Variants in PKHD1 observed in about 807,000 individuals in gnomAD.
PKHD1 encodes fibrocystin.
In PKHD1, 291 loss-of-function variants were observed where a neutral mutation model predicts 412.0. The ratio of observed to expected loss-of-function variants is 0.71; its 90% confidence interval spans 0.64 to 0.78. The LOEUF is 0.78. Among genes scored for constraint, PKHD1 ranks in the 30% least tolerant of loss-of-function variants. The probability of loss-of-function intolerance (pLI) is 0.00; values close to 1 mark genes in which losing one functional copy is unlikely to be tolerated. For synonymous variants in PKHD1, 1,777 were observed against 1,821.5 expected (o/e 0.98, Z 0.62); for missense variants, 4,825 against 4,950.7 (o/e 0.97, Z 0.76).
chr6:51,981,848 G>A (rs533164052), intron 35 of PKHD1, among the ~76,000 whole-genome samples: 1 of 114,876 alleles, frequency 8.7e-6, no homozygotes, highest in Non-Finnish European at 2.2e-5. Context: ...TCTCTGCCCG[G>A]CTGCCATCCC....
intron 60 of PKHD1, among the ~76,000 whole-genome samples, chr6:51,686,017 A>T (rs893855186): frequency 6.6e-6 from 1 of 152,220 alleles, no homozygotes; most frequent in East Asian, 1.9e-4. Context: ...ACACTTCTTA[A>T]GTTTCTATAA....
intron 53 of PKHD1, among the ~76,000 whole-genome samples, chr6:51,778,188 A>T (rs372693450): frequency 1.7e-4 from 26 of 152,212 alleles, no homozygotes; most frequent in Middle Eastern, 6.8e-3. Flanking sequence ...GAGGGTAGCC[A>T]CCTCTGAGAC....
In PKHD1 at chr6:51,907,207, G is replaced by T. The variant is rs540785458; in HGVS notation, c.6683-867C>A. ...AAAAGGGAGCTTTGTATTATTACTA[G>T]GTAGTGAGAAAGATACAGATGCCAA... On this transcript the variant is annotated intron_variant, in intron 40 of 66. Coordinates refer to ENST00000371117, the MANE Select transcript of PKHD1 (RefSeq NM_138694.4). Among the ~76,000 whole-genome samples the T allele has an allele frequency of 1.7e-4, 26 of 152,220 alleles. 1 individual carries two copies. The South Asian group carries it at 5.4e-3, about 32-fold the overall frequency.
intron 4 of PKHD1, among the ~76,000 whole-genome samples, chr6:52,081,888 A>C (rs1020166354): frequency 6.6e-6 from 1 of 152,152 alleles, no homozygotes; most frequent in African/African-American, 2.4e-5. Flanking sequence ...ATGAACATGA[A>C]CTAGTCTAAA....
At chr6:52,065,428 C>A (rs1393448353) in intron 12 of PKHD1, among the ~76,000 whole-genome samples, 1 of 152,056 alleles carries the variant, frequency 6.6e-6, no homozygotes, top group East Asian at 1.9e-4. Flanking sequence ...AACCACCTAA[C>A]TGAGCATGGG....
intron 50 of PKHD1, among the ~76,000 whole-genome samples, chr6:51,841,424 T>C (rs891433434): frequency 2.6e-5 from 4 of 152,104 alleles, no homozygotes; most frequent in African/African-American, 4.8e-5. Flanking sequence ...TCCTTCCTTT[T>C]CTCCTTCTCT....
chr6:51,806,684 A>ACG (rs1409220473), intron 52 of PKHD1, among the ~76,000 whole-genome samples: 37 of 134,092 alleles, frequency 2.8e-4, no homozygotes, highest in Non-Finnish European at 5.3e-4. Context: ...GTTATCTAAA[A>ACG]ATAGATGAGG....
intron 62 of PKHD1, among the ~76,000 whole-genome samples, 154 bp from the exon 63 acceptor site, chr6:51,648,272 G>A (rs1357593886): frequency 6.6e-6 from 1 of 152,182 alleles, no homozygotes; most frequent in Admixed American, 6.5e-5. Context: ...TCTTTCTCAT[G>A]TTAAGAATAT....
At chr6:51,751,521 G>A (rs571788206) in intron 57 of PKHD1, among the ~76,000 whole-genome samples, 1 of 152,172 alleles carries the variant, frequency 6.6e-6, no homozygotes, top group African/African-American at 2.4e-5. Context: ...TGAGTGAAAG[G>A]TATACAGGAT....
At chr6:51,916,626 T>G (rs921977215) in intron 37 of PKHD1, among the ~76,000 whole-genome samples, 16 of 152,270 alleles carry the variant, frequency 1.1e-4, no homozygotes, top group African/African-American at 3.8e-4. Flanking sequence ...AAATGTTATT[T>G]AAATGTCATA....
chr6:51,684,506 C>T (rs976949289), intron 60 of PKHD1, among the ~76,000 whole-genome samples: 1 of 151,946 alleles, frequency 6.6e-6, no homozygotes, highest in African/African-American at 2.4e-5. Flanking sequence ...AAAATACAAG[C>T]AATCTGACAT....
chr6:51,858,768 G>C (rs1358809), intron 48 of PKHD1, among the ~76,000 whole-genome samples: 1 of 151,938 alleles, frequency 6.6e-6, no homozygotes, highest in Non-Finnish European at 1.5e-5. Flanking sequence ...GAATAAACAA[G>C]TGTTATATGC....
intron 64 of PKHD1, among the ~76,000 whole-genome samples, chr6:51,635,579 T>C (rs1209629991): frequency 3.9e-5 from 6 of 151,944 alleles, no homozygotes; most frequent in Non-Finnish European, 5.9e-5. Context: ...ACACGGACAG[T>C]AGACAAACAA....
rs747130302 is a variant in PKHD1, at chr6:52,082,462, C to T, written c.211G>A (p.Ala71Thr). The change falls in exon 4 of 67, where the codon GCA becomes ACA. Residue 71 changes from alanine (A) to threonine (T), a missense_variant. Coordinates refer to ENST00000371117, the MANE Select transcript of PKHD1 (RefSeq NM_138694.4). ...HLVNVNMVVPALRSVPCDVFP... is the reference protein window; with the variant it reads ...HLVNVNMVVPTLRSVPCDVFP... ...ACGTCACAGGGAACACTCCGCAGTG[C>T]GGGCACCACCATGTTCACGTTCACC... 16 of 1,613,824 alleles carry T rather than the reference C, an allele frequency of 9.9e-6. No homozygotes were observed. Among genetic ancestry groups the T allele is most frequent in the Middle Eastern group, 1.6e-4 (1 of 6,084 alleles).
At chr6:51,807,694 C>T (rs1372464904) in intron 52 of PKHD1, among the ~76,000 whole-genome samples, 2 of 151,954 alleles carry the variant, frequency 1.3e-5, no homozygotes, top group African/African-American at 2.4e-5. Flanking sequence ...TGCATCTAGA[C>T]ATCCATATAT....
intron 60 of PKHD1, among the ~76,000 whole-genome samples, chr6:51,663,590 G>T (rs1347387949): frequency 6.6e-6 from 1 of 152,090 alleles, no homozygotes; most frequent in African/African-American, 2.4e-5. Flanking sequence ...AAGCACAGTA[G>T]ATGCTTTTAA....
intron 52 of PKHD1, among the ~76,000 whole-genome samples, chr6:51,819,637 A>G (rs949197209): frequency 2.0e-5 from 3 of 152,188 alleles, no homozygotes; most frequent in African/African-American, 7.2e-5. Context: ...GGGTCTCAGA[A>G]CTATTTTGCT....
At chr6:51,963,987 C>T (rs1345539056) in intron 35 of PKHD1, among the ~76,000 whole-genome samples, 8 of 151,922 alleles carry the variant, frequency 5.3e-5, no homozygotes, top group African/African-American at 2.4e-5. Flanking sequence ...TGGGGGCAGC[C>T]GTGAAAATAG....
chr6:51,991,018 G>A (rs1796983334), intron 35 of PKHD1, among the ~76,000 whole-genome samples: 1 of 152,172 alleles, frequency 6.6e-6, no homozygotes, highest in Non-Finnish European at 1.5e-5. Flanking sequence ...AATGTTCAAT[G>A]TATTTGAGTT....
Sources: allele counts gnomAD v4.1 joint callset (sites outside exome capture counted in the v4.1 genomes callset), GRCh38; gene constraint gnomAD v4.1.1; transcripts MANE v1.5; gene names NCBI Gene and HGNC (gene_info 2026-07-23, HGNC 2026-07-21).